MTFR1: variants seen among roughly 807,000 people sequenced by gnomAD.
MTFR1 encodes mitochondrial fission regulator 1.
A neutral mutation model predicts 38.8 loss-of-function variants in MTFR1; 28 were observed. The observed-to-expected ratio is 0.72, with a 90% CI of 0.53 to 0.99. MTFR1 has a LOEUF of 0.99. MTFR1 is among the 50% of genes least tolerant of loss of function. MTFR1 has a pLI of 0.00. For synonymous variants in MTFR1, 145 were observed against 137.0 expected, an observed-to-expected ratio of 1.06 and a Z score of -0.41; for missense variants, 358 against 395.5, an observed-to-expected ratio of 0.91 and a Z score of 0.81.
chr8:65,668,059 A>T lies in MTFR1; in HGVS notation c.-80-1814A>T, dbSNP rs568159012. ...CTATAAAGCTCTTCTCACAACGTAG[A>T]CCACAAACTGTTTCTGGTCATGATG... On this transcript the variant is annotated intron_variant, in intron 1 of 7. Coordinates refer to ENST00000262146, the MANE Select transcript of MTFR1 (RefSeq NM_014637.4). 3.3e-5 allele frequency among the ~76,000 whole-genome samples: 5 copies of T among 152,238 alleles called. No individual in the cohort carries two copies. In the South Asian group the frequency reaches 1.0e-3, roughly 32 times the overall value.
chr8:65,694,706 T>C (rs1336687815), intron 4 of MTFR1, among the ~76,000 whole-genome samples: 1 of 152,226 alleles, frequency 6.6e-6, no homozygotes, highest in East Asian at 1.9e-4. Context: ...AATCAGTTGA[T>C]ACTGTAAAGT....
intron 3 of MTFR1, chr8:65,722,887 G>A (rs1806443765): frequency 6.6e-6 from 1 of 152,196 alleles, no homozygotes; most frequent in South Asian, 2.1e-4. Context: ...GGTGACATTT[G>A]AGCTGCCTCT....
intron 1 of MTFR1, among the ~76,000 whole-genome samples, chr8:65,655,985 G>GA (rs1554545367): frequency 5.7e-5 from 2 of 34,872 alleles, no homozygotes; most frequent in South Asian, 1.5e-3. Context: ...ATATATATAT[G>GA]GTAGTGGGTT....
intron 3 of MTFR1, among the ~76,000 whole-genome samples, chr8:65,759,776 A>G: frequency 6.6e-6 from 1 of 152,006 alleles, no homozygotes; most frequent in Non-Finnish European, 1.5e-5. Context: ...TGCTCAGCCT[A>G]GGTTTGAGAA....
intron 2 of MTFR1, among the ~76,000 whole-genome samples, chr8:65,680,899 CTTT>C (rs1199113408): frequency 3.4e-4 from 32 of 93,618 alleles, no homozygotes; most frequent in Middle Eastern, 0.017. Context: ...AAGCAGTTCT[CTTT>C]TTTTTTTTTT....
intron 3 of MTFR1, among the ~76,000 whole-genome samples, chr8:65,721,557 A>G (rs1806377357): frequency 6.6e-6 from 1 of 152,126 alleles, no homozygotes; most frequent in Non-Finnish European, 1.5e-5. Context: ...CAGATCAGTG[A>G]CCTTATCCCT....
chr8:65,766,200 C>T (rs894100735), intron 3 of MTFR1, among the ~76,000 whole-genome samples: 4 of 152,210 alleles, frequency 2.6e-5, no homozygotes, highest in Non-Finnish European at 5.9e-5. Flanking sequence ...CCCGCCTTGG[C>T]CTCCCAAAGT....
chr8:65,644,073 C>T (rs533689683), upstream of MTFR1, among the ~76,000 whole-genome samples: 1 of 152,314 alleles, frequency 6.6e-6, no homozygotes, highest in Admixed American at 6.5e-5. Context: ...ATCACGCCTA[C>T]GCACATTACT....
At chr8:65,653,019 C>T (rs1809162349) in intron 1 of MTFR1, among the ~76,000 whole-genome samples, 1 of 152,156 alleles carries the variant, frequency 6.6e-6, no homozygotes, top group Non-Finnish European at 1.5e-5. Context: ...AACTGCTTTC[C>T]TAAAGAGATG....
intron 2 of MTFR1, among the ~76,000 whole-genome samples, chr8:65,673,733 C>T (rs1446183257): frequency 6.6e-6 from 1 of 151,932 alleles, no homozygotes; most frequent in Non-Finnish European, 1.5e-5. Context: ...GAAACCCCAT[C>T]TCTACTAAAA....
chr8:65,777,820 A>G, the MTFR1 span, among the ~76,000 whole-genome samples: 1 of 152,104 alleles, frequency 6.6e-6, no homozygotes, highest in Non-Finnish European at 1.5e-5. Flanking sequence ...CATTACTTTT[A>G]ATTCTTTGTC....
At chr8:65,661,056 G>C (rs1193158362) in intron 1 of MTFR1, among the ~76,000 whole-genome samples, 1 of 152,214 alleles carries the variant, frequency 6.6e-6, no homozygotes, top group East Asian at 1.9e-4. Flanking sequence ...GAGATGCCAG[G>C]GGTTGGGAAG....
chr8:65,666,543 T>C (rs1297180041), intron 1 of MTFR1, among the ~76,000 whole-genome samples: 1 of 152,244 alleles, frequency 6.6e-6, no homozygotes, highest in East Asian at 1.9e-4. Context: ...CTTTGCCACT[T>C]ATAAACATGT....
In MTFR1 at chr8:65,767,783, T is replaced by A. The variant is rs187340351; in HGVS notation, c.*49-3164T>A. 3.9e-4 allele frequency among the ~76,000 whole-genome samples: 60 copies of A among 152,248 alleles called. No homozygotes were observed. In the Middle Eastern group the frequency reaches 0.017, roughly 43 times the overall value. Reference sequence around the variant, plus strand: ...CTTCCCCCATACCTCACCCTACACATCTCTTCATCTGGATCCTTTGCAATA... The same window carrying A: ...CTTCCCCCATACCTCACCCTACACAACTCTTCATCTGGATCCTTTGCAATA... On this transcript the variant is annotated intron_variant, in intron 3 of 3. Coordinates refer to the MTFR1 transcript ENST00000521247.
intron 3 of MTFR1, among the ~76,000 whole-genome samples, chr8:65,765,845 T>A (rs1344859891): frequency 6.6e-6 from 1 of 152,246 alleles, no homozygotes; most frequent in African/African-American, 2.4e-5. Context: ...AATTCTTTAA[T>A]GTTTAAGACA....
chr8:65,664,610 GT>G (rs766902728), intron 1 of MTFR1, among the ~76,000 whole-genome samples: 4,319 of 129,728 alleles, frequency 0.033, 190 homozygotes, highest in African/African-American at 0.11. Context: ...GTTTTCCTTT[GT>G]TTTTTTTTTT....
chr8:65,756,029 T>C (rs1808226275), intron 3 of MTFR1, among the ~76,000 whole-genome samples: 1 of 152,244 alleles, frequency 6.6e-6, no homozygotes, highest in South Asian at 2.1e-4. Flanking sequence ...TTTTGCCAAA[T>C]ATGGAATTCG....
chr8:65,667,304 T>C (rs1585756937), intron 1 of MTFR1, among the ~76,000 whole-genome samples: 2 of 150,508 alleles, frequency 1.3e-5, no homozygotes, highest in Admixed American at 6.6e-5. Flanking sequence ...GTTAGAACTT[T>C]CCATCATGTT....
intron 2 of MTFR1, among the ~76,000 whole-genome samples, chr8:65,670,830 G>A (rs1350945613): frequency 2.0e-5 from 3 of 151,462 alleles, no homozygotes; most frequent in Non-Finnish European, 2.9e-5. Context: ...TCAGCTCCCC[G>A]AGTAGCTGGG....
Sources: gnomAD v4.1 joint callset for allele counts (sites outside exome capture counted in the v4.1 genomes callset) on GRCh38, gnomAD v4.1.1 for gene constraint, MANE v1.5 for transcripts, NCBI Gene and HGNC (gene_info 2026-07-23, HGNC 2026-07-21) for gene names.